The following GPR158 variants were observed in gnomAD, a reference collection of about 807,000 sequenced individuals.
The protein encoded by GPR158 is metabotropic glycine receptor.
Under a neutral mutation model 78.2 loss-of-function variants are expected in GPR158, and 30 were observed. The ratio of observed to expected loss-of-function variants is 0.38; its 90% CI spans 0.29 to 0.52. The LOEUF is 0.52. Among genes scored for constraint, GPR158 ranks in the 20% least tolerant of loss-of-function variants. The pLI is 0.83. For synonymous variants in GPR158, 581 were observed against 591.1 expected (o/e 0.98, Z 0.25); for missense variants, 1,463 against 1,523.5 (o/e 0.96, Z 0.66).
intron 2 of GPR158, among the ~76,000 whole-genome samples, chr10:25,308,450 G>A (rs12259611): frequency 6.6e-6 from 1 of 151,856 alleles, no homozygotes; most frequent in Non-Finnish European, 1.5e-5. Flanking sequence ...TTTTTATGTG[G>A]TTATGAGCCA....
At chr10:25,509,317 G>T (rs901640202) in intron 5 of GPR158, among the ~76,000 whole-genome samples, 1 of 152,130 alleles carries the variant, frequency 6.6e-6, no homozygotes, top group East Asian at 1.9e-4. Flanking sequence ...GACTTCGTGC[G>T]CAGGGTTGTT....
intron 5 of GPR158, among the ~76,000 whole-genome samples, chr10:25,544,639 G>A (rs1204045197): frequency 6.6e-6 from 1 of 151,928 alleles, no homozygotes; most frequent in Non-Finnish European, 1.5e-5. Context: ...TTCACTGTTA[G>A]TCTGTTATGA....
In GPR158 at chr10:25,599,043, C is replaced by A; in HGVS notation, c.3417C>A (p.His1139Gln). 1 of 1,613,898 alleles carries A rather than the reference C, an allele frequency of 6.2e-7. No individual in the cohort carries two copies. The highest frequency in any genetic ancestry group is 8.5e-7 in the Non-Finnish European group (1 of 1,179,922). ...ATGAAAATCTCAACCAAATAGGACA[C>A]CAGGAAAAAAAGACATCTTCTTCTG... is the stretch of plus-strand genomic sequence containing the variant. ...TENENLNQIG[H>Q]QEKKTSSSEE... Residue 1139 changes from histidine to glutamine, a missense_variant, in exon 11 of 11, where the codon CAC becomes CAA. Physicochemically the swap from His to Gln is conservative, Grantham distance 24. Transcript: ENST00000376351.
intron 1 of GPR158, among the ~76,000 whole-genome samples, chr10:25,220,786 CACAT>C (rs1367551901): frequency 6.6e-6 from 1 of 152,180 alleles, no homozygotes; most frequent in African/African-American, 2.4e-5. Context: ...AGGCAATCAA[CACAT>C]ATTTATTGAG....
rs563310322 is a variant in GPR158 at position 25,457,991 on chromosome 10, C to T, written c.1336-8660C>T. Among the ~76,000 whole-genome samples, 7 of 152,280 alleles carry T rather than the reference C, an allele frequency of 4.6e-5. No individual in the cohort carries two copies. The East Asian group carries it at 1.4e-3, about 29-fold the overall frequency. Reference sequence around the variant, plus strand: ...TTCTGCCCAGCAATATATGATAAATCATAATTAATAATGAATGACTTGTTA... The same window carrying T: ...TTCTGCCCAGCAATATATGATAAATTATAATTAATAATGAATGACTTGTTA... On this transcript the variant is annotated intron_variant, in intron 4 of 10. Coordinates refer to ENST00000376351, the MANE Select transcript of GPR158 (RefSeq NM_020752.3).
intron 1 of GPR158, among the ~76,000 whole-genome samples, chr10:25,205,792 AGT>A (rs1853018494): frequency 6.6e-6 from 1 of 151,448 alleles, no homozygotes; most frequent in South Asian, 2.1e-4. Context: ...GTGGTCTGAG[AGT>A]GTGTTTGGTA....
At chr10:25,496,301 A>G (rs1588887314) in intron 5 of GPR158, among the ~76,000 whole-genome samples, 2 of 152,210 alleles carry the variant, frequency 1.3e-5, no homozygotes, top group East Asian at 1.9e-4. Flanking sequence ...CACGTCGACT[A>G]TACTACGGGA....
chr10:25,287,398 T>A (rs1046660334), intron 2 of GPR158, among the ~76,000 whole-genome samples: 2 of 152,122 alleles, frequency 1.3e-5, no homozygotes, highest in Non-Finnish European at 2.9e-5. Flanking sequence ...AGTCTTTTTT[T>A]ATTATCCCCC....
Position 25,176,112 on chromosome 10 carries a change from G to A in GPR158, c.692G>A (p.Arg231Lys), listed in dbSNP as rs1236448943. ...TTCCACGGCCTCCGGCGCAAGTGGA[G>A]GCCCCACTTACACCGCCGCGGCCCC... ...EWFHGLRRKWRPHLHRRGPNQ... is the reference protein window; with the variant it reads ...EWFHGLRRKWKPHLHRRGPNQ... The change falls in exon 1 of 11, where the codon AGG becomes AAG. Residue 231 changes from arginine to lysine, a missense_variant. Transcript: ENST00000376351. The surrounding 1 kb of genome is among the most constrained non-coding windows in gnomAD (Gnocchi z 6.3). 1.5e-5 allele frequency: 24 copies of A among 1,579,700 alleles called. No homozygotes were observed. The highest frequency in any genetic ancestry group is 2.0e-5 in the Non-Finnish European group (23 of 1,163,906).
At chr10:25,190,158 C>T (rs938608405) in intron 1 of GPR158, among the ~76,000 whole-genome samples, 3 of 151,998 alleles carry the variant, frequency 2.0e-5, no homozygotes, top group African/African-American at 7.2e-5. Flanking sequence ...CATTTCAGAA[C>T]TTTATTTCAG....
intron 6 of GPR158, among the ~76,000 whole-genome samples, chr10:25,563,120 T>C (rs1836880100): frequency 6.6e-6 from 1 of 152,202 alleles, no homozygotes; most frequent in African/African-American, 2.4e-5. Flanking sequence ...AAAATATCAT[T>C]TGCTGCCTTT....
intron 4 of GPR158, among the ~76,000 whole-genome samples, chr10:25,465,279 G>A (rs759824461): frequency 2.0e-5 from 3 of 151,970 alleles, no homozygotes; most frequent in Non-Finnish European, 4.4e-5. Flanking sequence ...TATACATTTT[G>A]TATTATATTT....
At chr10:25,385,645 T>C (rs949485288) in intron 2 of GPR158, among the ~76,000 whole-genome samples, 3 of 152,170 alleles carry the variant, frequency 2.0e-5, no homozygotes, top group Admixed American at 2.0e-4. Context: ...ATTATAATTT[T>C]TTGATAGTGG....
chr10:25,501,578 G>A (rs2130658459), intron 5 of GPR158, among the ~76,000 whole-genome samples: 1 of 152,234 alleles, frequency 6.6e-6, no homozygotes, highest in South Asian at 2.1e-4. Context: ...CATAGAACCT[G>A]CAGGAAAACA....
chr10:25,247,444 G>A (rs547507039), intron 2 of GPR158, among the ~76,000 whole-genome samples: 26 of 137,626 alleles, frequency 1.9e-4, no homozygotes, highest in Non-Finnish European at 3.6e-4. Flanking sequence ...TAGGTATATC[G>A]CCCAATGCTA....
intron 5 of GPR158, among the ~76,000 whole-genome samples, chr10:25,544,290 A>T (rs1356271014): frequency 5.3e-5 from 8 of 150,294 alleles, no homozygotes; most frequent in East Asian, 3.9e-4. Context: ...ATAGTGTTTT[A>T]TTTTTTTTTT....
intron 5 of GPR158, among the ~76,000 whole-genome samples, chr10:25,549,273 C>G (rs907830282): frequency 2.0e-5 from 3 of 152,052 alleles, no homozygotes; most frequent in Non-Finnish European, 4.4e-5. Flanking sequence ...TTGTCTTCCC[C>G]CTCCTAAGTT....
chr10:25,256,263 A>C (rs1398375988), intron 2 of GPR158, among the ~76,000 whole-genome samples: 1 of 152,346 alleles, frequency 6.6e-6, no homozygotes, highest in East Asian at 1.9e-4. Flanking sequence ...AAAAATATTT[A>C]TAAAAAGAAG....
At chr10:25,296,036 A>G (rs78491879) in intron 2 of GPR158, among the ~76,000 whole-genome samples, 3,940 of 144,100 alleles carry the variant, frequency 0.027, 176 homozygotes, top group African/African-American at 0.095. Flanking sequence ...TGAGAAAAGC[A>G]TAGCAGGGGC....
Sources: allele counts gnomAD v4.1 joint callset (sites outside exome capture counted in the v4.1 genomes callset), GRCh38; gene constraint gnomAD v4.1.1; non-coding constraint Gnocchi (gnomAD v3.1); transcripts MANE v1.5; gene names NCBI Gene and HGNC (gene_info 2026-07-23, HGNC 2026-07-21).